TRIM24: variants seen among roughly 807,000 people sequenced by gnomAD.
TRIM24 encodes the protein transcription intermediary factor 1-alpha.
In TRIM24, 29 loss-of-function variants were observed where a neutral mutation model predicts 123.9. The ratio of observed to expected loss-of-function variants is 0.23; its 90% CI spans 0.17 to 0.32. The LOEUF (loss-of-function observed/expected upper bound fraction) is 0.32. TRIM24 is among the 10% of genes least tolerant of loss of function. TRIM24 has a pLI of 1.00. For synonymous variants in TRIM24, 456 were observed against 461.1 expected (o/e 0.99, Z 0.14); for missense variants, 932 against 1,295.3 (o/e 0.72, Z 4.31).
intron 1 of TRIM24, among the ~76,000 whole-genome samples, chr7:138,489,907 G>A (rs1313175675): frequency 6.6e-6 from 1 of 152,166 alleles, no homozygotes; most frequent in African/African-American, 2.4e-5. Context: ...TGCCTTGCTA[G>A]GTTGGAGAAG....
intron 2 of TRIM24, among the ~76,000 whole-genome samples, chr7:138,511,589 C>A (rs928982424): frequency 2.0e-5 from 3 of 152,116 alleles, no homozygotes; most frequent in African/African-American, 7.2e-5. Context: ...TGCGCCTGGC[C>A]ATGCCACACA....
chr7:138,514,239 C>T (rs1231417409), intron 2 of TRIM24, among the ~76,000 whole-genome samples: 1 of 152,198 alleles, frequency 6.6e-6, no homozygotes, highest in Non-Finnish European at 1.5e-5. Context: ...CTTCCAGCAA[C>T]CCTCACCAAA....
At chr7:138,464,903 C>T (rs1291077257) in intron 1 of TRIM24, among the ~76,000 whole-genome samples, 3 of 152,120 alleles carry the variant, frequency 2.0e-5, no homozygotes, top group African/African-American at 7.2e-5. Context: ...TACAGTTACA[C>T]TCTAGAATTG....
intron 2 of TRIM24, among the ~76,000 whole-genome samples, chr7:138,509,322 A>T (rs1338231053): frequency 6.7e-6 from 1 of 148,334 alleles, no homozygotes; most frequent in African/African-American, 2.4e-5. Context: ...TATGTATAAT[A>T]TATATATAAT....
chr7:138,508,686 TGTGTGTGCGCGCGCGTGTGTGC>T (rs1796206298), intron 2 of TRIM24, among the ~76,000 whole-genome samples: 3 of 85,946 alleles, frequency 3.5e-5, no homozygotes, highest in Non-Finnish European at 7.2e-5. Flanking sequence ...TGTGTGTGTG[TGTGTGTGCGCGCGCGTGTGTGC>T]GTGTGTGTGT....
At chr7:138,564,052 C>G (rs1010135466) in intron 9 of TRIM24, among the ~76,000 whole-genome samples, 2 of 152,176 alleles carry the variant, frequency 1.3e-5, no homozygotes, top group Non-Finnish European at 2.9e-5. Context: ...TACAGTCTGG[C>G]CACGTAGGAT....
intron 18 of TRIM24, among the ~76,000 whole-genome samples, chr7:138,584,276 TTTC>T (rs568652901): frequency 9.9e-5 from 15 of 152,224 alleles, no homozygotes; most frequent in Non-Finnish European, 1.9e-4. Context: ...CCCACCTGTA[TTTC>T]TTATTTTTAT....
At chr7:138,552,496 A>C (rs1176716425) in intron 8 of TRIM24, among the ~76,000 whole-genome samples, 4 of 152,190 alleles carry the variant, frequency 2.6e-5, no homozygotes, top group Non-Finnish European at 5.9e-5. Flanking sequence ...AAACAAATTT[A>C]AGAATTCCCT....
intron 9 of TRIM24, among the ~76,000 whole-genome samples, chr7:138,559,342 A>G (rs1466608258): frequency 2.0e-5 from 3 of 152,150 alleles, no homozygotes; most frequent in Non-Finnish European, 2.9e-5. Context: ...GAGGAGTGCC[A>G]TGATGGGGAT....
chr7:138,567,541 C>G lies in TRIM24; in HGVS notation c.1591C>G (p.Leu531Val). Residue 531 changes from leucine (L) to valine (V), a missense_variant, in exon 10 of 19, where the codon CTT (leucine) becomes GTT (valine). Transcript: ENST00000343526. ...NHSPKPNGPV[L>V]PPHPQQLRYP... ...CAGCCCCAAACCCAATGGACCAGTT[C>G]TTCCTCCTCATCCTCAACAACTGAG... 1 of 1,613,986 alleles carries G rather than the reference C, an allele frequency of 6.2e-7. No individual in the cohort carries two copies. Among genetic ancestry groups the G allele is most frequent in the Non-Finnish European group, 8.5e-7 (1 of 1,179,936 alleles).
chr7:138,482,861 T>C (rs1795559498), intron 1 of TRIM24, among the ~76,000 whole-genome samples: 1 of 152,156 alleles, frequency 6.6e-6, no homozygotes, highest in East Asian at 1.9e-4. Flanking sequence ...CTTTGGCCTC[T>C]CAAAATGCTG....
At chr7:138,542,452 G>A (rs922125167) in intron 7 of TRIM24, among the ~76,000 whole-genome samples, 1 of 152,128 alleles carries the variant, frequency 6.6e-6, no homozygotes, top group Non-Finnish European at 1.5e-5. Flanking sequence ...GTGGTTTGTG[G>A]TGTCCCAAAA....
rs542117882 is a variant in TRIM24, at chr7:138,486,535, G to A, written c.365-17755G>A. On this transcript the variant is annotated intron_variant, in intron 1 of 18. Transcript: ENST00000343526. Reference sequence around the variant, plus strand: ...TGTATAAGGTGTAAGGAAGGGATCCGGTTTCAGCTTTCTACATATGGCTAG... The same window carrying A: ...TGTATAAGGTGTAAGGAAGGGATCCAGTTTCAGCTTTCTACATATGGCTAG... Among the ~76,000 whole-genome samples the A allele has an allele frequency of 3.8e-4, 57 of 151,846 alleles. 2 individuals are homozygous for A. The highest frequency in any genetic ancestry group is 1.9e-3 in the East Asian group (10 of 5,166).
At position 138,568,410 on chromosome 7, in the gene TRIM24, A is replaced by T. The variant is rs1300087019; in HGVS notation, c.1704+756A>T. Among the ~76,000 whole-genome samples the T allele has an allele frequency of 3.9e-3, 192 of 49,046 alleles. 4 individuals are homozygous for T. The highest frequency in any genetic ancestry group is 0.02 in the East Asian group (16 of 818). The allele number at this position is 49,046 out of a possible 152,430, so 32.2% of individuals were successfully genotyped here. A position where few individuals can be genotyped will look rare whatever the true frequency, so the allele number is the denominator to read the frequency against. ...TTTTTTTTTTTTTTTTTTTTTTTTT[A>T]AAGTCTCTCTCTGTCACTCAGGCTA... is the stretch of plus-strand genomic sequence containing the variant. On this transcript the variant is annotated intron_variant, in intron 10 of 18. Transcript: ENST00000343526.
At position 138,468,036 on chromosome 7, in the gene TRIM24, A is replaced by G. The variant is rs1416110993; in HGVS notation, c.364+7124A>G. 2.0e-5 allele frequency among the ~76,000 whole-genome samples: 3 copies of G among 152,250 alleles called. No individual in the cohort carries two copies. In the East Asian group the frequency reaches 5.8e-4, roughly 29 times the overall value. On this transcript the variant is annotated intron_variant, in intron 1 of 18. Transcript: ENST00000343526. ...AGGACTCCAATACAATATTGACTAG[A>G]AGTTGAATTTCAGTATTAAATGAGA...
At chr7:138,479,050 A>G (rs1056766408) in intron 1 of TRIM24, among the ~76,000 whole-genome samples, 1 of 152,188 alleles carries the variant, frequency 6.6e-6, no homozygotes, top group African/African-American at 2.4e-5. Flanking sequence ...TCTACATCTC[A>G]GAAATCGGTT....
At chr7:138,462,587 G>A (rs988006608) in intron 1 of TRIM24, among the ~76,000 whole-genome samples, 3 of 151,942 alleles carry the variant, frequency 2.0e-5, no homozygotes, top group South Asian at 2.1e-4. Flanking sequence ...TGATCCGCCC[G>A]CCTCGGCCTC....
chr7:138,510,923 T>C (rs1796272193), intron 2 of TRIM24, among the ~76,000 whole-genome samples: 1 of 152,236 alleles, frequency 6.6e-6, no homozygotes, highest in South Asian at 2.1e-4. Context: ...CTGTCTTGTC[T>C]ACCCATCTAC....
At chr7:138,583,808 G>A (rs772447152) in intron 17 of TRIM24, 42 bp from the exon 18 acceptor site, 23 of 1,344,404 alleles carry the variant, frequency 1.7e-5, no homozygotes, top group Non-Finnish European at 2.0e-5. Context: ...GGACAAGGTG[G>A]AATTTAGCTA....
Sources: allele counts gnomAD v4.1 joint callset (sites outside exome capture counted in the v4.1 genomes callset), GRCh38; gene constraint gnomAD v4.1.1; transcripts MANE v1.5; gene names NCBI Gene and HGNC (gene_info 2026-07-23, HGNC 2026-07-21).